The following CALN1 variants were observed in gnomAD, a reference collection of about 807,000 sequenced individuals.
CALN1 encodes calcium-binding protein 8.
CALN1 carries 17 observed loss-of-function variants against 30.6 expected under a neutral mutation model. The observed-to-expected ratio is 0.56, with a 90% CI of 0.38 to 0.83. CALN1 has a LOEUF of 0.83. Among genes scored for constraint, CALN1 ranks in the 40% least tolerant of loss-of-function variants. The pLI is 0.00. For synonymous variants in CALN1, 156 were observed against 131.4 expected, an observed-to-expected ratio of 1.19 and a Z score of -1.28; for missense variants, 291 against 354.9, an observed-to-expected ratio of 0.82 and a Z score of 1.45.
chr7:72,210,996 G>A (rs1487555856), intron 3 of CALN1, among the ~76,000 whole-genome samples: 2 of 152,060 alleles, frequency 1.3e-5, no homozygotes, highest in Non-Finnish European at 2.9e-5. Flanking sequence ...CAAGGCTGTA[G>A]TGAGCTATGA....
intron 2 of CALN1, among the ~76,000 whole-genome samples, chr7:72,344,669 TTTTA>T (rs1802538963): frequency 1.4e-5 from 2 of 147,052 alleles, no homozygotes; most frequent in Non-Finnish European, 3.0e-5. Context: ...TAAATATATA[TTTTA>T]TTTATGTATA....
chr7:71,794,981 G>A (rs1786805143), intron 6 of CALN1, among the ~76,000 whole-genome samples: 1 of 152,088 alleles, frequency 6.6e-6, no homozygotes, highest in Admixed American at 6.6e-5. Flanking sequence ...ATTTTCTTCA[G>A]TGTAGATCAG....
At chr7:72,043,340 C>T (rs1563004104) in intron 4 of CALN1, among the ~76,000 whole-genome samples, 1 of 152,234 alleles carries the variant, frequency 6.6e-6, no homozygotes, top group East Asian at 1.9e-4. Flanking sequence ...CCCAGGAAGC[C>T]CATTTCCCAG....
intron 4 of CALN1, among the ~76,000 whole-genome samples, chr7:72,030,453 C>T (rs2129531781): frequency 6.6e-6 from 1 of 152,282 alleles, no homozygotes; most frequent in Admixed American, 6.5e-5. Context: ...ATTTAGACTA[C>T]AGAAATGACC....
chr7:72,451,238 G>GAAGAA (rs1328509119), upstream of CALN1, among the ~76,000 whole-genome samples: 3 of 126,154 alleles, frequency 2.4e-5, no homozygotes, highest in African/African-American at 1.1e-4. Flanking sequence ...AGGAGGAGAA[G>GAAGAA]GAGGAAGAGG....
At chr7:71,814,808 T>C (rs1418144264) in intron 5 of CALN1, among the ~76,000 whole-genome samples, 3 of 151,974 alleles carry the variant, frequency 2.0e-5, no homozygotes, top group Non-Finnish European at 4.4e-5. Context: ...ACAATACATA[T>C]AACATACAAC....
chr7:71,971,373 C>T (rs757563571), intron 5 of CALN1, among the ~76,000 whole-genome samples: 2 of 152,148 alleles, frequency 1.3e-5, no homozygotes, highest in Non-Finnish European at 2.9e-5. Context: ...TCGCTTGAAC[C>T]TGGGAGGCAG....
intron 5 of CALN1, among the ~76,000 whole-genome samples, chr7:71,958,077 AAAAAAAG>A (rs1211963994): frequency 7.3e-5 from 11 of 151,324 alleles, no homozygotes; most frequent in Admixed American, 4.6e-4. Context: ...AAAAAAAAAA[AAAAAAAG>A]AAAGAAAGAA....
intron 5 of CALN1, among the ~76,000 whole-genome samples, chr7:71,978,716 C>G: frequency 6.6e-6 from 1 of 152,166 alleles, no homozygotes; most frequent in East Asian, 1.9e-4. Context: ...GACCAAACTT[C>G]CCTGAATTGA....
At chr7:71,975,013 G>A (rs962035460) in intron 5 of CALN1, among the ~76,000 whole-genome samples, 6 of 152,260 alleles carry the variant, frequency 3.9e-5, no homozygotes, top group East Asian at 3.9e-4. Flanking sequence ...ACAGCAGGGC[G>A]GCACATCAGT....
At chr7:72,320,893 G>A (rs998025224) in intron 2 of CALN1, among the ~76,000 whole-genome samples, 16 of 150,294 alleles carry the variant, frequency 1.1e-4, no homozygotes, top group Non-Finnish European at 4.4e-5. Flanking sequence ...CAGGTTAAGA[G>A]CATGGCTTTT....
At chr7:72,106,416 T>C in intron 3 of CALN1, 122 bp from the exon 4 acceptor site, 1 of 1,163,028 alleles carries the variant, frequency 8.6e-7, no homozygotes, top group South Asian at 1.6e-5. Context: ...GTTAAAACTC[T>C]TTAATCAGAT....
chr7:72,052,837 A>G (rs1366935438), intron 4 of CALN1, among the ~76,000 whole-genome samples: 1 of 152,226 alleles, frequency 6.6e-6, no homozygotes, highest in Non-Finnish European at 1.5e-5. Flanking sequence ...TTAGGTAAGA[A>G]CTTAGAGGGT....
chr7:72,372,479 G>C (rs538846733), intron 2 of CALN1, among the ~76,000 whole-genome samples: 70 of 152,166 alleles, frequency 4.6e-4, no homozygotes, highest in Non-Finnish European at 8.5e-4. Flanking sequence ...GTACTGATAA[G>C]ATCATGGATA....
chr7:71,924,107 C>T (rs775882093), intron 5 of CALN1, among the ~76,000 whole-genome samples: 3 of 150,478 alleles, frequency 2.0e-5, no homozygotes, highest in Non-Finnish European at 2.9e-5. Flanking sequence ...GCAGGAGAAT[C>T]GCTTGAACCC....
At chr7:72,404,387 C>G (rs1806557031) in intron 1 of CALN1, among the ~76,000 whole-genome samples, 1 of 152,196 alleles carries the variant, frequency 6.6e-6, no homozygotes, top group Non-Finnish European at 1.5e-5. Flanking sequence ...AATGTCAGTT[C>G]TCTTTGGTTT....
chr7:72,345,601 G>A (rs978331037), intron 2 of CALN1, among the ~76,000 whole-genome samples: 3 of 151,650 alleles, frequency 2.0e-5, no homozygotes, highest in Non-Finnish European at 4.4e-5. Flanking sequence ...AAAAAGCAAG[G>A]GAGGAAGGAA....
intron 4 of CALN1, among the ~76,000 whole-genome samples, chr7:72,085,627 G>C (rs1057380604): frequency 6.6e-6 from 1 of 152,198 alleles, no homozygotes. Context: ...AAGCCACAGA[G>C]TGGGAAAAAT....
chr7:72,400,898 A>C (rs1356661143), intron 2 of CALN1, among the ~76,000 whole-genome samples: 1 of 152,100 alleles, frequency 6.6e-6, no homozygotes, highest in African/African-American at 2.4e-5. Flanking sequence ...GGGAGGTGTG[A>C]AAGTGATCTG....
Sources: allele counts gnomAD v4.1 joint callset (sites outside exome capture counted in the v4.1 genomes callset), GRCh38; gene constraint gnomAD v4.1.1; transcripts MANE v1.5; gene names NCBI Gene and HGNC (gene_info 2026-07-23, HGNC 2026-07-21).